The following PTPN14 variants were observed in gnomAD, a reference collection of about 807,000 sequenced individuals.
PTPN14 encodes protein tyrosine phosphatase non-receptor type 14.
Under a neutral mutation model 126.8 loss-of-function variants are expected in PTPN14, and 53 were observed. That is an observed-to-expected ratio of 0.42 (90% CI 0.34 to 0.53). The LOEUF is 0.53. Ranked by LOEUF, PTPN14 falls within the 20% of genes least tolerant of loss-of-function variation. The probability of loss-of-function intolerance (pLI) is 0.08; values close to 1 mark genes in which losing one functional copy is unlikely to be tolerated. For synonymous variants in PTPN14, 630 were observed against 599.3 expected (o/e 1.05, Z -0.75); for missense variants, 1,257 against 1,552.9 (o/e 0.81, Z 3.20).
At chr1:214,408,556 A>G (rs775014746) in intron 5 of PTPN14, among the ~76,000 whole-genome samples, 2 of 148,884 alleles carry the variant, frequency 1.3e-5, no homozygotes, top group Non-Finnish European at 2.9e-5. Context: ...GCTGTGTGCC[A>G]GATGACAGTG....
At position 214,461,333 on chromosome 1, in the gene PTPN14, T is replaced by C. The variant is rs556112478; in HGVS notation, c.174+3297A>G. Reference sequence around the variant, plus strand: ...CCATAATCTAGTTTCCAAGACTTCATAAAGGCTAAACATATTACCCTGAGC... The same window carrying C: ...CCATAATCTAGTTTCCAAGACTTCACAAAGGCTAAACATATTACCCTGAGC... On this transcript the variant is annotated intron_variant, in intron 2 of 18. Coordinates refer to ENST00000366956, the MANE Select transcript of PTPN14 (RefSeq NM_005401.5). Among the ~76,000 whole-genome samples the C allele has an allele frequency of 1.2e-4, 19 of 152,272 alleles. 1 individual carries two copies. The South Asian group carries it at 3.9e-3, about 32-fold the overall frequency.
chr1:214,441,418 G>A (rs1472065484), intron 3 of PTPN14, among the ~76,000 whole-genome samples: 1 of 152,168 alleles, frequency 6.6e-6, no homozygotes, highest in Non-Finnish European at 1.5e-5. Flanking sequence ...CTGCTGCTCA[G>A]ACACTGTAAG....
intron 1 of PTPN14, among the ~76,000 whole-genome samples, chr1:214,497,728 A>C (rs1183988232): frequency 6.6e-6 from 1 of 152,236 alleles, no homozygotes; most frequent in Non-Finnish European, 1.5e-5. Context: ...CATTATGCAT[A>C]GTATAATTTT....
chr1:214,495,292 T>C (rs1416171596), intron 1 of PTPN14, among the ~76,000 whole-genome samples: 1 of 152,184 alleles, frequency 6.6e-6, no homozygotes, highest in Non-Finnish European at 1.5e-5. Context: ...AAAGATTAAA[T>C]AAGATAATGT....
At chr1:214,448,219 C>T (rs1411010176) in intron 3 of PTPN14, among the ~76,000 whole-genome samples, 4 of 151,978 alleles carry the variant, frequency 2.6e-5, no homozygotes, top group Non-Finnish European at 5.9e-5. Flanking sequence ...TCAGAAACAC[C>T]AGAGGAGTAC....
chr1:214,357,084 C>T lies in PTPN14; in HGVS notation c.*838G>A, dbSNP rs986206614. Reference sequence around the variant, plus strand: ...GGTCTGGTCCAGAGCCTCAATGCCACCAGACAGGGTCCTACTGAGCAAACA... The same window carrying T: ...GGTCTGGTCCAGAGCCTCAATGCCATCAGACAGGGTCCTACTGAGCAAACA... On this transcript the variant is annotated 3_prime_UTR_variant, in exon 19 of 19. Coordinates refer to ENST00000366956, the MANE Select transcript of PTPN14 (RefSeq NM_005401.5). 2 of 152,252 alleles carry T rather than the reference C, an allele frequency of 1.3e-5. No homozygotes were observed. The highest frequency in any genetic ancestry group is 6.5e-5 in the Admixed American group (1 of 15,274). The allele number at this position is 152,252 out of a possible 1,614,324, so 9.4% of individuals were successfully genotyped here. A position where few individuals can be genotyped will look rare whatever the true frequency, so the allele number is the denominator to read the frequency against.
intron 1 of PTPN14, among the ~76,000 whole-genome samples, chr1:214,540,917 A>G (rs1018709539): frequency 6.6e-5 from 10 of 152,116 alleles, no homozygotes; most frequent in African/African-American, 2.4e-4. Flanking sequence ...GTTTTTTTGG[A>G]CACACTCTTA....
chr1:214,505,340 G>C (rs1021458333), intron 1 of PTPN14, among the ~76,000 whole-genome samples: 1 of 152,144 alleles, frequency 6.6e-6, no homozygotes, highest in Non-Finnish European at 1.5e-5. Flanking sequence ...GGGACTACCC[G>C]AGATGGTAAC....
chr1:214,369,191 A>G lies in PTPN14; in HGVS notation c.3271+266T>C, dbSNP rs181597688. On this transcript the variant is annotated intron_variant, in intron 17 of 18. Coordinates refer to ENST00000366956, the MANE Select transcript of PTPN14 (RefSeq NM_005401.5). ...CATGTGTCAGAATAGTTACTGATTA[A>G]ATGAGTAGCTAAAGGTCTGAATCAA... Among the ~76,000 whole-genome samples the G allele has an allele frequency of 1.5e-4, 23 of 152,320 alleles. No homozygotes were observed. In the East Asian group the frequency reaches 4.4e-3, roughly 29 times the overall value.
intron 1 of PTPN14, chr1:214,528,186 T>C (rs574753858): frequency 1.3e-5 from 2 of 152,320 alleles, no homozygotes; most frequent in East Asian, 3.9e-4. Context: ...AACATAAAAA[T>C]GTATATGTTA....
At chr1:214,421,280 T>C (rs1313628146) in intron 3 of PTPN14, among the ~76,000 whole-genome samples, 2 of 152,212 alleles carry the variant, frequency 1.3e-5, no homozygotes, top group African/African-American at 4.8e-5. Context: ...TTATGCTAAG[T>C]AAAAGATGCC....
At chr1:214,434,785 A>G (rs1478131165) in intron 3 of PTPN14, among the ~76,000 whole-genome samples, 1 of 152,194 alleles carries the variant, frequency 6.6e-6, no homozygotes, top group Non-Finnish European at 1.5e-5. Context: ...GGCTGCACAC[A>G]GGGTGGGAGA....
At chr1:214,460,080 C>G (rs893212757) in intron 2 of PTPN14, among the ~76,000 whole-genome samples, 2 of 152,138 alleles carry the variant, frequency 1.3e-5, no homozygotes, top group Admixed American at 6.5e-5. Flanking sequence ...GGGTTTGAAC[C>G]GGCCTCACAA....
intron 1 of PTPN14, among the ~76,000 whole-genome samples, chr1:214,481,638 ACTG>A (rs1660990796): frequency 6.6e-6 from 1 of 152,012 alleles, no homozygotes; most frequent in East Asian, 1.9e-4. Flanking sequence ...TCTCAAGAGT[ACTG>A]CTGCTCTGAA....
chr1:214,402,362 C>T (rs564045786), intron 6 of PTPN14, among the ~76,000 whole-genome samples: 11 of 147,182 alleles, frequency 7.5e-5, no homozygotes, highest in African/African-American at 2.6e-4. Flanking sequence ...ATTGCTTGAA[C>T]CCCGGAGGTG....
Position 214,411,918 on chromosome 1 carries a change from A to C in PTPN14, c.443-167T>G, listed in dbSNP as rs1301159323. Among the ~76,000 whole-genome samples, 5 of 152,350 alleles carry C rather than the reference A, an allele frequency of 3.3e-5. No homozygotes were observed. The South Asian group carries it at 6.2e-4, about 19-fold the overall frequency. Reference sequence around the variant, plus strand: ...TGTTTGACATAGTTACTTTTATCTAACAATATGGTAAATATCAGCATGTAA... The same window carrying C: ...TGTTTGACATAGTTACTTTTATCTACCAATATGGTAAATATCAGCATGTAA... On this transcript the variant is annotated intron_variant, in intron 4 of 18. Coordinates refer to ENST00000366956, the MANE Select transcript of PTPN14 (RefSeq NM_005401.5).
intron 1 of PTPN14, among the ~76,000 whole-genome samples, chr1:214,545,200 G>A (rs57190864): frequency 0.14 from 21,425 of 152,202 alleles, 1,694 homozygotes; most frequent in South Asian, 0.23. Context: ...AGCGCTGAAA[G>A]AGTAAAAATA....
At chr1:214,428,222 C>T (rs74559278) in intron 3 of PTPN14, among the ~76,000 whole-genome samples, 9,124 of 152,228 alleles carry the variant, frequency 0.06, 348 homozygotes, top group South Asian at 0.11. Context: ...AGTCAGAATC[C>T]AGACATATTC....
Position 214,397,990 on chromosome 1 carries a change from T to G in PTPN14, c.681A>C (p.Gly227=). Residue 227 remains glycine (G), a synonymous_variant, in exon 8 of 19, where the codon GGA becomes GGC. Coordinates refer to ENST00000366956, the MANE Select transcript of PTPN14 (RefSeq NM_005401.5). ...AGAAAATGCCAAGGTGTACACAGTT[T>G]CCATGATTGTCCTGGGTAAGACCAA... ...QEIFPVKDNH[G]NCVHLGIFFM... 3.1e-6 allele frequency: 5 copies of G among 1,611,250 alleles called. No individual in the cohort carries two copies. The highest frequency in any genetic ancestry group is 4.2e-6 in the Non-Finnish European group (5 of 1,177,482).
Sources: allele counts gnomAD v4.1 joint callset (sites outside exome capture counted in the v4.1 genomes callset), GRCh38; gene constraint gnomAD v4.1.1; transcripts MANE v1.5; gene names NCBI Gene and HGNC (gene_info 2026-07-23, HGNC 2026-07-21).